NPAS3: variants seen among roughly 807,000 people sequenced by gnomAD.
The protein encoded by NPAS3 is neuronal PAS domain protein 3.
In NPAS3, 14 loss-of-function variants were observed where a neutral mutation model predicts 73.1. That is an observed-to-expected ratio of 0.19 (90% CI 0.13 to 0.30). The LOEUF (loss-of-function observed/expected upper bound fraction) is 0.30, where lower values mean the gene tolerates loss of function less well. Ranked by LOEUF, NPAS3 falls within the 10% of genes least tolerant of loss-of-function variation. NPAS3 has a pLI of 1.00. For missense variants in NPAS3, 1,096 were observed against 1,250.0 expected, an observed-to-expected ratio of 0.88 and a Z score of 1.86; for synonymous variants, 620 against 541.5, an observed-to-expected ratio of 1.14 and a Z score of -2.01.
chr14:33,201,129 A>G (rs943655763), intron 2 of NPAS3, among the ~76,000 whole-genome samples: 1 of 152,248 alleles, frequency 6.6e-6, no homozygotes, highest in Non-Finnish European at 1.5e-5. Flanking sequence ...AGAGAAAGAC[A>G]GAAGGCATTT....
At chr14:33,081,874 T>C (rs1213497036) in intron 2 of NPAS3, among the ~76,000 whole-genome samples, 2 of 152,188 alleles carry the variant, frequency 1.3e-5, no homozygotes, top group African/African-American at 4.8e-5. Flanking sequence ...GTTATTTTGG[T>C]GATAGCAAAG....
chr14:33,366,325 TA>T (rs112336571), intron 3 of NPAS3, among the ~76,000 whole-genome samples: 6,707 of 145,476 alleles, frequency 0.046, 254 homozygotes, highest in African/African-American at 0.11. Context: ...GAACCCCACG[TA>T]AAAAAAAAAA....
At chr14:33,299,457 C>G (rs138345192) in intron 3 of NPAS3, among the ~76,000 whole-genome samples, 1,778 of 152,094 alleles carry the variant, frequency 0.012, 30 homozygotes, top group African/African-American at 0.041. Context: ...TATTGGCAGC[C>G]ATCTTACCAC....
At chr14:33,427,477 G>A (rs981316301) in intron 4 of NPAS3, among the ~76,000 whole-genome samples, 2 of 151,488 alleles carry the variant, frequency 1.3e-5, no homozygotes, top group Admixed American at 6.6e-5. Context: ...AACATCTGTC[G>A]TCGACTTCTT....
chr14:33,776,521 TAAA>T (rs552348267), intron 8 of NPAS3, among the ~76,000 whole-genome samples: 324 of 31,850 alleles, frequency 0.01, no homozygotes, highest in Middle Eastern at 0.024. Context: ...TTCTTCCTCT[TAAA>T]AAAAAAAAAA....
At chr14:33,478,450 C>T (rs1161958543) in intron 4 of NPAS3, among the ~76,000 whole-genome samples, 5 of 152,150 alleles carry the variant, frequency 3.3e-5, no homozygotes, top group Admixed American at 2.6e-4. Flanking sequence ...GAAGCCTTAG[C>T]GATAAGCTCC....
chr14:33,794,880 G>A (rs2063466436), intron 10 of NPAS3, among the ~76,000 whole-genome samples: 1 of 152,076 alleles, frequency 6.6e-6, no homozygotes, highest in Non-Finnish European at 1.5e-5. Context: ...ACTTGGCCTG[G>A]CTCCCTCCCA....
intron 1 of NPAS3, among the ~76,000 whole-genome samples, chr14:33,033,642 C>T (rs1265848757): frequency 1.3e-5 from 2 of 152,098 alleles, no homozygotes; most frequent in Middle Eastern, 3.2e-3. Flanking sequence ...GGTTCATTTG[C>T]TTAACTGATG....
chr14:33,307,374 G>A (rs2042794281), intron 3 of NPAS3, among the ~76,000 whole-genome samples: 1 of 151,914 alleles, frequency 6.6e-6, no homozygotes, highest in East Asian at 1.9e-4. Flanking sequence ...TTTTTATTTT[G>A]GAGATTGTAT....
At chr14:33,427,202 G>A (rs1489020973) in intron 4 of NPAS3, among the ~76,000 whole-genome samples, 1 of 151,878 alleles carries the variant, frequency 6.6e-6, no homozygotes. Flanking sequence ...AAGAGCTATG[G>A]GATGGTCCTT....
chr14:32,938,486 T>TGACA (rs1555372900), upstream of NPAS3, among the ~76,000 whole-genome samples: 50 of 55,936 alleles, frequency 8.9e-4, 7 homozygotes, highest in Middle Eastern at 0.015. Context: ...AGAGAGAAAT[T>TGACA]GAGAGAGAGA....
intron 3 of NPAS3, among the ~76,000 whole-genome samples, chr14:33,248,946 T>C (rs1463391793): frequency 1.3e-5 from 2 of 152,210 alleles, no homozygotes; most frequent in Non-Finnish European, 2.9e-5. Context: ...TTCATGTTAT[T>C]CTTTGACTCC....
At chr14:33,455,053 T>C (rs533668868) in intron 4 of NPAS3, among the ~76,000 whole-genome samples, 1 of 152,338 alleles carries the variant, frequency 6.6e-6, no homozygotes, top group East Asian at 1.9e-4. Flanking sequence ...TTTGTGTGCA[T>C]TTTGGCAGCA....
chr14:33,342,854 C>T (rs1044314639), intron 3 of NPAS3, among the ~76,000 whole-genome samples: 6 of 152,098 alleles, frequency 3.9e-5, no homozygotes, highest in Admixed American at 1.3e-4. Context: ...TGCCTGCCCA[C>T]AGAGATAGTG....
At chr14:33,673,968 C>A (rs1406299500) in intron 5 of NPAS3, among the ~76,000 whole-genome samples, 1 of 152,188 alleles carries the variant, frequency 6.6e-6, no homozygotes, top group Non-Finnish European at 1.5e-5. Flanking sequence ...ACTCCCAGTG[C>A]CCACCTCGCC....
intron 2 of NPAS3, among the ~76,000 whole-genome samples, chr14:33,157,087 C>A (rs1378350526): frequency 6.6e-6 from 1 of 152,000 alleles, no homozygotes; most frequent in Non-Finnish European, 1.5e-5. Flanking sequence ...GCACTCAAAC[C>A]ATCAAAAATT....
intron 5 of NPAS3, among the ~76,000 whole-genome samples, chr14:33,645,921 A>G (rs1388680847): frequency 6.6e-6 from 1 of 152,208 alleles, no homozygotes; most frequent in Admixed American, 6.5e-5. Flanking sequence ...CCGTCACACC[A>G]TGGGAGCTGG....
intron 5 of NPAS3, among the ~76,000 whole-genome samples, chr14:33,675,188 G>C (rs2059726193): frequency 6.6e-6 from 1 of 151,906 alleles, no homozygotes; most frequent in African/African-American, 2.4e-5. Context: ...AAGAGCTTTT[G>C]CTTGTCCTAT....
intron 3 of NPAS3, among the ~76,000 whole-genome samples, chr14:33,221,981 C>A (rs1438331595): frequency 1.3e-5 from 2 of 151,966 alleles, no homozygotes; most frequent in Admixed American, 6.6e-5. Context: ...AATGAAGACC[C>A]AGAGACCCAG....
Sources: gnomAD v4.1 joint callset for allele counts (sites outside exome capture counted in the v4.1 genomes callset) on GRCh38, gnomAD v4.1.1 for gene constraint, MANE v1.5 for transcripts, NCBI Gene and HGNC (gene_info 2026-07-23, HGNC 2026-07-21) for gene names.